The following PCSK5 variants were observed in gnomAD, a reference collection of about 807,000 sequenced individuals.
PCSK5 encodes prohormone convertase 5.
PCSK5 carries 129 observed loss-of-function variants against 233.2 expected under a neutral mutation model. The ratio of observed to expected loss-of-function variants is 0.55; its 90% CI spans 0.48 to 0.64. The LOEUF is 0.64. PCSK5 is among the 30% of genes least tolerant of loss of function. PCSK5 has a pLI of 0.00. For synonymous variants in PCSK5, 825 were observed against 879.2 expected (o/e 0.94, Z 1.09); for missense variants, 2,076 against 2,430.1 (o/e 0.85, Z 3.06).
intron 24 of PCSK5, among the ~76,000 whole-genome samples, chr9:76,285,283 T>C (rs1231327000): frequency 1.3e-5 from 2 of 152,110 alleles, no homozygotes; most frequent in Non-Finnish European, 2.9e-5. Context: ...AGGTTGAGAT[T>C]GTCTGGGAGA....
intron 20 of PCSK5, among the ~76,000 whole-genome samples, chr9:76,212,305 G>C (rs1825359952): frequency 6.6e-6 from 1 of 152,166 alleles, no homozygotes; most frequent in South Asian, 2.1e-4. Flanking sequence ...GGAAGGGGCT[G>C]TGAGCGTCTG....
chr9:76,039,431 T>C (rs1036132370), intron 5 of PCSK5, among the ~76,000 whole-genome samples: 5 of 152,228 alleles, frequency 3.3e-5, no homozygotes. Context: ...AAAAAATTTA[T>C]AGGTTTCTCA....
In PCSK5 at chr9:76,358,599, G is replaced by A. The variant is rs1316012047; in HGVS notation, c.5341G>A (p.Val1781Met). The A allele has an allele frequency of 3.1e-6, 5 of 1,612,748 alleles. No individual in the cohort carries two copies. The highest frequency in any genetic ancestry group is 4.2e-6 in the Non-Finnish European group (5 of 1,179,886). The stretch of plus-strand genomic sequence containing the variant: ...GTTCATCACCTCCTCCATGATGCTG[G>A]TGCTTCTGCTCGGGGCAGCTGTGGT... ...ALFITSSMMLVLLLGAAVVVW... is the reference protein window; with the variant it reads ...ALFITSSMMLMLLLGAAVVVW... Residue 1781 changes from valine (V) to methionine (M), a missense_variant, in exon 38 of 38, where the codon GTG becomes ATG. This residue lies in a region of PCSK5 where 1,510 missense variants were observed against 1,538.1 expected (regional missense o/e 0.98). Transcript: ENST00000674117.
intron 24 of PCSK5, among the ~76,000 whole-genome samples, chr9:76,261,930 A>G (rs969598127): frequency 2.6e-5 from 4 of 152,302 alleles, no homozygotes; most frequent in Admixed American, 2.6e-4. Flanking sequence ...TTTTCTAGAT[A>G]TACAATCATG....
chr9:76,310,215 T>C (rs529704495), intron 29 of PCSK5, among the ~76,000 whole-genome samples: 4 of 148,552 alleles, frequency 2.7e-5, no homozygotes, highest in Non-Finnish European at 5.9e-5. Flanking sequence ...ACCAGTGCAC[T>C]CCAGCCTGGG....
chr9:76,258,759 T>G (rs1463121489), intron 24 of PCSK5, among the ~76,000 whole-genome samples: 1 of 152,238 alleles, frequency 6.6e-6, no homozygotes, highest in African/African-American at 2.4e-5. Context: ...GTTTTACAAA[T>G]GGGAAGTTTG....
At chr9:76,102,412 AG>A (rs1440268301) in intron 8 of PCSK5, among the ~76,000 whole-genome samples, 2 of 152,188 alleles carry the variant, frequency 1.3e-5, no homozygotes, top group African/African-American at 4.8e-5. Flanking sequence ...TCATTGTGGT[AG>A]TTTTAGAGGA....
Position 75,941,885 on chromosome 9 carries a change from G to A in PCSK5, c.297+9402G>A, listed in dbSNP as rs192496158. Among the ~76,000 whole-genome samples, 59 of 152,298 alleles carry A rather than the reference G, an allele frequency of 3.9e-4. 1 individual carries two copies. The highest frequency in any genetic ancestry group is 2.1e-3 in the Admixed American group (32 of 15,306). On this transcript the variant is annotated intron_variant, in intron 2 of 37. Transcript: ENST00000674117. ...CAGAAACCAGAGGGTCAGATTGTAC[G>A]CTGCTGGAATATCTGATGGGAAAGT...
Position 76,339,590 on chromosome 9 carries a change from G to A in PCSK5, c.4966+1143G>A, listed in dbSNP as rs1012526133. ...GATGGAGTCTCACTCTGTCGCCCAG[G>A]CTGGAGTGCAGTGGCGCGATCTTGG... On this transcript the variant is annotated intron_variant, in intron 35 of 37. Transcript: ENST00000674117. Among the ~76,000 whole-genome samples the A allele has an allele frequency of 2.6e-4, 39 of 152,114 alleles. 1 individual carries two copies. Among genetic ancestry groups the A allele is most frequent in the Admixed American group, 2.2e-3 (34 of 15,256 alleles).
intron 24 of PCSK5, among the ~76,000 whole-genome samples, chr9:76,284,291 A>T (rs1312917254): frequency 2.0e-5 from 3 of 152,100 alleles, no homozygotes; most frequent in Non-Finnish European, 4.4e-5. Context: ...CCACATGTCA[A>T]GGGAGGGACC....
intron 8 of PCSK5, among the ~76,000 whole-genome samples, chr9:76,106,738 C>G (rs1831995327): frequency 6.6e-6 from 1 of 152,300 alleles, no homozygotes; most frequent in Middle Eastern, 3.4e-3. Flanking sequence ...AAGGTTCTTT[C>G]TACAGCAGAG....
chr9:76,156,001 A>G (rs1822559186), intron 10 of PCSK5, among the ~76,000 whole-genome samples: 1 of 152,224 alleles, frequency 6.6e-6, no homozygotes, highest in Non-Finnish European at 1.5e-5. Context: ...ATGGAACTAC[A>G]TCTGAGCACA....
chr9:76,093,677 G>A (rs368480811), intron 7 of PCSK5, among the ~76,000 whole-genome samples: 15 of 152,042 alleles, frequency 9.9e-5, no homozygotes, highest in South Asian at 6.2e-4. Flanking sequence ...TTTAAATCAG[G>A]TGGGTTTTGC....
At chr9:75,944,184 A>T (rs10746984) in intron 2 of PCSK5, among the ~76,000 whole-genome samples, 76,081 of 149,418 alleles carry the variant, frequency 0.51, 19,439 homozygotes, top group Admixed American at 0.54. Context: ...AAAGAAAAAA[A>T]ATATATATAT....
intron 4 of PCSK5, 37 bp from the exon 5 acceptor site, chr9:76,026,924 C>T (rs1828449242): frequency 5.7e-6 from 8 of 1,413,114 alleles, no homozygotes; most frequent in Non-Finnish European, 7.9e-6. Flanking sequence ...AATGAATGTC[C>T]ATTTCCTTTC....
chr9:76,031,747 A>G (rs966370167), intron 5 of PCSK5, among the ~76,000 whole-genome samples: 1 of 152,216 alleles, frequency 6.6e-6, no homozygotes, highest in Non-Finnish European at 1.5e-5. Context: ...TAAAATACCA[A>G]GCTTACTACA....
At chr9:76,289,288 T>A (rs1828190326) in intron 24 of PCSK5, among the ~76,000 whole-genome samples, 1 of 152,142 alleles carries the variant, frequency 6.6e-6, no homozygotes, top group Non-Finnish European at 1.5e-5. Context: ...TTTCCAAATG[T>A]GTGAGGCTCT....
At chr9:76,146,253 T>C (rs1288618244) in intron 10 of PCSK5, among the ~76,000 whole-genome samples, 4 of 152,114 alleles carry the variant, frequency 2.6e-5, no homozygotes, top group African/African-American at 9.7e-5. Flanking sequence ...CACTGCTGGA[T>C]GTTAACAAAT....
chr9:76,338,793 C>T (rs1176277078), intron 35 of PCSK5, among the ~76,000 whole-genome samples: 1 of 152,034 alleles, frequency 6.6e-6, no homozygotes, highest in East Asian at 1.9e-4. Context: ...GAGACTTCTG[C>T]CTCAAACTCT....
Sources: gnomAD v4.1 joint callset for allele counts (sites outside exome capture counted in the v4.1 genomes callset) on GRCh38, gnomAD v4.1.1 for gene constraint, gnomAD v4.1.1 regional missense constraint, MANE v1.5 for transcripts, NCBI Gene and HGNC (gene_info 2026-07-23, HGNC 2026-07-21) for gene names.